SND1: variants seen among roughly 807,000 people sequenced by gnomAD.
SND1 encodes staphylococcal nuclease and tudor domain containing 1.
A neutral mutation model predicts 121.7 loss-of-function variants in SND1; 38 were observed. The observed-to-expected ratio is 0.31, with a 90% CI of 0.24 to 0.41. The LOEUF is 0.41. Among genes scored for constraint, SND1 ranks in the 10% least tolerant of loss-of-function variants. The pLI, the probability that SND1 is intolerant of heterozygous loss-of-function variation, is 1.00. For synonymous variants in SND1, 401 were observed against 447.4 expected, an observed-to-expected ratio of 0.90 and a Z score of 1.31; for missense variants, 868 against 1,184.6, an observed-to-expected ratio of 0.73 and a Z score of 3.92.
intron 15 of SND1, among the ~76,000 whole-genome samples, chr7:127,955,449 G>A (rs985432698): frequency 3.9e-5 from 6 of 152,148 alleles, no homozygotes; most frequent in Non-Finnish European, 7.3e-5. Flanking sequence ...ATCCTGCCAA[G>A]CACTGGGACT....
chr7:127,961,839 T>C (rs879811503), intron 15 of SND1, among the ~76,000 whole-genome samples: 9 of 152,206 alleles, frequency 5.9e-5, no homozygotes, highest in Admixed American at 2.0e-4. Context: ...GGGTATATTT[T>C]ATCAAGCTAC....
At chr7:127,995,248 G>A (rs1001902635) in intron 16 of SND1, among the ~76,000 whole-genome samples, 17 of 152,210 alleles carry the variant, frequency 1.1e-4, no homozygotes, top group African/African-American at 3.4e-4. Flanking sequence ...GTCCCCTGCC[G>A]TTGAGGCTGG....
chr7:127,940,745 C>T (rs571146744), intron 15 of SND1, among the ~76,000 whole-genome samples: 1 of 152,330 alleles, frequency 6.6e-6, no homozygotes, highest in Non-Finnish European at 1.5e-5. Context: ...CTGAGGCTTC[C>T]CCAGTCAGAT....
rs1584781005 is a variant in SND1, at chr7:128,085,100, T to A, written c.2234+253T>A. Among the ~76,000 whole-genome samples, 1 of 152,254 alleles carries A rather than the reference T, an allele frequency of 6.6e-6. No individual in the cohort carries two copies. Among genetic ancestry groups the A allele is most frequent in the Middle Eastern group, 3.4e-3 (1 of 294 alleles). Reference sequence around the variant, plus strand: ...CTGGGGGATTCCAGGGTGGGAGCCCTTGCTGGCTGGCTGGCTGGCCGGCCG... The same window carrying A: ...CTGGGGGATTCCAGGGTGGGAGCCCATGCTGGCTGGCTGGCTGGCCGGCCG... On this transcript the variant is annotated intron_variant, in intron 19 of 23. Transcript: ENST00000354725. The surrounding 1 kb of genome is among the most constrained non-coding windows in gnomAD (Gnocchi z 4.4).
intron 10 of SND1, among the ~76,000 whole-genome samples, chr7:127,777,144 A>G (rs1019510953): frequency 6.6e-6 from 1 of 152,218 alleles, no homozygotes; most frequent in African/African-American, 2.4e-5. Flanking sequence ...TTAAGAGGAA[A>G]GGCAAAGCTG....
intron 15 of SND1, among the ~76,000 whole-genome samples, chr7:127,963,170 G>T (rs1219130966): frequency 1.3e-5 from 2 of 152,044 alleles, no homozygotes; most frequent in African/African-American, 2.4e-5. Flanking sequence ...CATGGGCAGG[G>T]TGCAGCAAGT....
At chr7:127,767,380 C>G (rs770822468) in intron 10 of SND1, among the ~76,000 whole-genome samples, 39 of 152,262 alleles carry the variant, frequency 2.6e-4, no homozygotes, top group Middle Eastern at 3.4e-3. Context: ...CAGCTGCCTT[C>G]TTATATGTGG....
At chr7:127,935,623 A>T (rs529901246) in intron 15 of SND1, among the ~76,000 whole-genome samples, 5 of 152,332 alleles carry the variant, frequency 3.3e-5, no homozygotes, top group Non-Finnish European at 5.9e-5. Context: ...GCTTGGAGAG[A>T]GAAAGATCCC....
At chr7:127,815,764 G>A (rs1318448614) in intron 11 of SND1, among the ~76,000 whole-genome samples, 3 of 152,108 alleles carry the variant, frequency 2.0e-5, no homozygotes, top group East Asian at 1.9e-4. Flanking sequence ...GGTAATTTGC[G>A]GTACTTTGTT....
chr7:127,936,080 G>C (rs1801055026), intron 15 of SND1, among the ~76,000 whole-genome samples: 1 of 152,182 alleles, frequency 6.6e-6, no homozygotes, highest in Admixed American at 6.5e-5. Context: ...TAGCAGGTGG[G>C]GCTAGAGAAG....
chr7:127,668,381 A>G (rs566594177), intron 1 of SND1, among the ~76,000 whole-genome samples: 1 of 152,294 alleles, frequency 6.6e-6, no homozygotes, highest in South Asian at 2.1e-4. Flanking sequence ...TGCCGTATGA[A>G]CACCATACTT....
At chr7:127,750,035 G>C (rs1201306052) in intron 10 of SND1, among the ~76,000 whole-genome samples, 2 of 152,318 alleles carry the variant, frequency 1.3e-5, no homozygotes, top group Admixed American at 1.3e-4. Context: ...AGGAGGTGAA[G>C]GCTGCAGTGA....
intron 13 of SND1, among the ~76,000 whole-genome samples, chr7:127,888,794 C>T (rs149684997): frequency 5.9e-5 from 9 of 152,212 alleles, no homozygotes; most frequent in Non-Finnish European, 1.2e-4. Flanking sequence ...TTTCAGAGGC[C>T]TGCCTCACTC....
chr7:127,700,943 C>T (rs1796089544), intron 4 of SND1, among the ~76,000 whole-genome samples: 1 of 152,162 alleles, frequency 6.6e-6, no homozygotes, highest in African/African-American at 2.4e-5. Context: ...TCATTAAATA[C>T]TCTTACTATT....
chr7:127,844,974 C>G (rs537552682), intron 12 of SND1, among the ~76,000 whole-genome samples: 22 of 152,242 alleles, frequency 1.4e-4, no homozygotes, highest in African/African-American at 5.3e-4. Flanking sequence ...CCTGCTGGGC[C>G]CTGCTTCCCC....
chr7:128,073,258 T>A (rs1371737059), intron 16 of SND1, among the ~76,000 whole-genome samples: 1 of 152,222 alleles, frequency 6.6e-6, no homozygotes, highest in Admixed American at 6.5e-5. Flanking sequence ...GACCTATATG[T>A]TCTCCATTAT....
At chr7:127,794,393 C>T (rs1028393680) in intron 10 of SND1, among the ~76,000 whole-genome samples, 2 of 152,192 alleles carry the variant, frequency 1.3e-5, no homozygotes, top group Non-Finnish European at 2.9e-5. Context: ...GGAAATCTGG[C>T]TCAGTTGAAG....
chr7:127,951,185 A>G (rs1045678332), intron 15 of SND1, among the ~76,000 whole-genome samples: 2 of 152,214 alleles, frequency 1.3e-5, no homozygotes, highest in African/African-American at 4.8e-5. Context: ...CCATCTAGGA[A>G]CCAATGGATA....
chr7:127,791,416 C>G (rs1297065527), intron 10 of SND1, among the ~76,000 whole-genome samples: 3 of 152,136 alleles, frequency 2.0e-5, no homozygotes, highest in Non-Finnish European at 4.4e-5. Context: ...GCTGCCCAAA[C>G]TGCTGGGATT....
Sources: allele counts gnomAD v4.1 joint callset (sites outside exome capture counted in the v4.1 genomes callset), GRCh38; gene constraint gnomAD v4.1.1; non-coding constraint Gnocchi (gnomAD v3.1); transcripts MANE v1.5; gene names NCBI Gene and HGNC (gene_info 2026-07-23, HGNC 2026-07-21).